CSMD1: variants seen among roughly 807,000 people sequenced by gnomAD.
The protein encoded by CSMD1 is CUB and sushi domain-containing protein 1.
In CSMD1, 213 loss-of-function variants were observed where a neutral mutation model predicts 417.5. The observed-to-expected ratio is 0.51, with a 90% CI of 0.46 to 0.57. CSMD1 has a LOEUF of 0.57. Ranked by LOEUF, CSMD1 falls within the 20% of genes least tolerant of loss-of-function variation. CSMD1 has a pLI of 0.00. For synonymous variants in CSMD1, 2,862 were observed against 1,736.8 expected (o/e 1.65, Z -16.11); for missense variants, 6,923 against 4,529.7 (o/e 1.53, Z -15.17).
intron 1 of CSMD1, among the ~76,000 whole-genome samples, chr8:4,904,960 G>T (rs1013093862): frequency 6.6e-6 from 1 of 152,078 alleles, no homozygotes; most frequent in African/African-American, 2.4e-5. Flanking sequence ...GGACCATGCC[G>T]CCGCTTCAAC....
At chr8:3,781,231 T>G (rs1261176995) in intron 5 of CSMD1, among the ~76,000 whole-genome samples, 1 of 152,166 alleles carries the variant, frequency 6.6e-6, no homozygotes, top group African/African-American at 2.4e-5. Flanking sequence ...ATTGCACCTG[T>G]TCAATTTTGT....
chr8:3,681,864 C>G lies in CSMD1; in HGVS notation c.1009+26550G>C, dbSNP rs549743814. On this transcript the variant is annotated intron_variant, in intron 7 of 69. Coordinates refer to ENST00000635120, the MANE Select transcript of CSMD1 (RefSeq NM_033225.6). ...AGAGATATAGACCAATGGAACAGAACAGAGCCCTCAGAAATAATACCACAC... is the reference window on the plus strand; with the variant it reads ...AGAGATATAGACCAATGGAACAGAAGAGAGCCCTCAGAAATAATACCACAC... 3.9e-5 allele frequency among the ~76,000 whole-genome samples: 6 copies of G among 152,242 alleles called. No homozygotes were observed. The East Asian group carries it at 9.7e-4, about 25-fold the overall frequency.
chr8:3,749,643 G>C (rs1384597227), intron 6 of CSMD1, among the ~76,000 whole-genome samples: 1 of 152,182 alleles, frequency 6.6e-6, no homozygotes, highest in African/African-American at 2.4e-5. Flanking sequence ...TTCTGTCCAA[G>C]CATCATACGC....
chr8:4,330,234 C>A (rs1448497542), intron 3 of CSMD1, among the ~76,000 whole-genome samples: 1 of 152,046 alleles, frequency 6.6e-6, no homozygotes, highest in Non-Finnish European at 1.5e-5. Flanking sequence ...CCTGTCAGAT[C>A]CACCCGTCAG....
intron 1 of CSMD1, among the ~76,000 whole-genome samples, chr8:4,823,214 A>G (rs569651464): frequency 3.3e-5 from 5 of 152,168 alleles, no homozygotes; most frequent in African/African-American, 1.2e-4. Context: ...GTTTAATCCA[A>G]ATGTCTAAAC....
chr8:3,536,693 T>C (rs575809045), intron 10 of CSMD1, among the ~76,000 whole-genome samples: 5 of 152,144 alleles, frequency 3.3e-5, no homozygotes, highest in Non-Finnish European at 7.4e-5. Context: ...ATAGGATCTG[T>C]GCCCTCAGAG....
chr8:3,344,418 G>A (rs13252371), intron 22 of CSMD1, among the ~76,000 whole-genome samples: 17,451 of 152,068 alleles, frequency 0.11, 1,369 homozygotes, highest in African/African-American at 0.22. Flanking sequence ...TGGGTAACAA[G>A]CCTGCACTTC....
intron 37 of CSMD1, among the ~76,000 whole-genome samples, chr8:3,162,594 A>T (rs1417012205): frequency 6.6e-6 from 1 of 152,170 alleles, no homozygotes; most frequent in Non-Finnish European, 1.5e-5. Context: ...AGTCTCTTCA[A>T]AAATTGTGTT....
chr8:3,203,363 G>A (rs192911680), intron 31 of CSMD1, among the ~76,000 whole-genome samples: 2 of 152,152 alleles, frequency 1.3e-5, no homozygotes, highest in Non-Finnish European at 2.9e-5. Context: ...TGCCAAGAGA[G>A]AAAAGCTGTT....
At chr8:4,336,553 T>A (rs1391531058) in intron 3 of CSMD1, among the ~76,000 whole-genome samples, 1 of 152,182 alleles carries the variant, frequency 6.6e-6, no homozygotes, top group Non-Finnish European at 1.5e-5. Context: ...GCTTGTTTTC[T>A]AGATGGTTTC....
intron 5 of CSMD1, among the ~76,000 whole-genome samples, chr8:3,928,908 T>C (rs937859652): frequency 1.3e-5 from 2 of 149,800 alleles, no homozygotes; most frequent in African/African-American, 4.9e-5. Context: ...ATCTTTCTTT[T>C]CGTATACCTG....
rs115938251 is a variant in CSMD1 at position 4,878,994 on chromosome 8, G to T, written c.85+115338C>A. Among the ~76,000 whole-genome samples the T allele has an allele frequency of 1.2e-3, 175 of 152,110 alleles. 3 individuals carry two copies. Among genetic ancestry groups the T allele is most frequent in the African/African-American group, 3.9e-3 (160 of 41,430 alleles). The stretch of plus-strand genomic sequence containing the variant: ...AGGGAGAGGGGTCATGGGAGAACAG[G>T]ATGGGTGAGGGCAAGGGACAGGATA... On this transcript the variant is annotated intron_variant, in intron 1 of 69. Transcript: ENST00000635120.
intron 3 of CSMD1, among the ~76,000 whole-genome samples, chr8:4,418,063 A>T (rs1236990): frequency 0.91 from 138,813 of 152,048 alleles, 63,601 homozygotes; most frequent in East Asian, 1. Context: ...TGATAAATAG[A>T]TTTAAACACA....
chr8:4,774,556 T>A (rs1187353282), intron 1 of CSMD1, among the ~76,000 whole-genome samples: 4 of 152,192 alleles, frequency 2.6e-5, no homozygotes, highest in African/African-American at 9.7e-5. Flanking sequence ...ATATAGACAT[T>A]CTGATAATAC....
At chr8:3,114,368 T>C (rs1816725906) in intron 42 of CSMD1, among the ~76,000 whole-genome samples, 1 of 151,540 alleles carries the variant, frequency 6.6e-6, no homozygotes, top group Non-Finnish European at 1.5e-5. Context: ...TAAACAAGAA[T>C]ATGAAAGAAA....
chr8:3,109,047 C>T (rs576900753), intron 43 of CSMD1, among the ~76,000 whole-genome samples: 1 of 152,232 alleles, frequency 6.6e-6, no homozygotes, highest in South Asian at 2.1e-4. Context: ...GGCAGATCAC[C>T]TGAGGTCAGG....
intron 5 of CSMD1, among the ~76,000 whole-genome samples, chr8:3,864,919 G>A (rs1804977561): frequency 6.6e-6 from 1 of 152,148 alleles, no homozygotes. Flanking sequence ...ATTGCTCTAC[G>A]TGGTCTCGGA....
rs536065368 is a variant in CSMD1 at position 3,782,724 on chromosome 8, G to A, written c.819-28682C>T. 3.3e-5 allele frequency among the ~76,000 whole-genome samples: 5 copies of A among 152,174 alleles called. No homozygotes were observed. The South Asian group carries it at 1.0e-3, about 32-fold the overall frequency. On this transcript the variant is annotated intron_variant, in intron 5 of 69. Transcript: ENST00000635120. Reference sequence around the variant, plus strand: ...GTTTTTGGCTAGGTTCAAGGAGCTGGGTGTTGGTGATACTGAATTATAAGA... The same window carrying A: ...GTTTTTGGCTAGGTTCAAGGAGCTGAGTGTTGGTGATACTGAATTATAAGA...
At chr8:3,490,653 G>C (rs899587889) in intron 11 of CSMD1, among the ~76,000 whole-genome samples, 5 of 152,040 alleles carry the variant, frequency 3.3e-5, no homozygotes, top group Non-Finnish European at 7.4e-5. Context: ...CAGAGAGAAG[G>C]AAAATGACTT....
Sources: gnomAD v4.1 joint callset for allele counts (sites outside exome capture counted in the v4.1 genomes callset) on GRCh38, gnomAD v4.1.1 for gene constraint, MANE v1.5 for transcripts, NCBI Gene and HGNC (gene_info 2026-07-23, HGNC 2026-07-21) for gene names.